Variants in MARCHF9 observed in about 807,000 individuals in gnomAD.
The protein encoded by MARCHF9 is membrane associated ring-CH-type finger 9.
A neutral mutation model predicts 35.2 loss-of-function variants in MARCHF9; 17 were observed. That is an observed-to-expected ratio of 0.48 (90% CI 0.33 to 0.72). MARCHF9 has a LOEUF of 0.72. MARCHF9 is among the 30% of genes least tolerant of loss of function. MARCHF9 has a pLI of 0.02. For missense variants in MARCHF9, 386 were observed against 478.2 expected (o/e 0.81, Z 1.80); for synonymous variants, 183 against 207.4 (o/e 0.88, Z 1.01).
Position 57,758,341 on chromosome 12 carries a change from C to T in MARCHF9, c.706+41C>T. On this transcript the variant is annotated intron_variant, in intron 3 of 3. Coordinates refer to ENST00000266643, the MANE Select transcript of MARCHF9 (RefSeq NM_138396.6). The surrounding 1 kb of genome is among the most constrained non-coding windows in gnomAD (Gnocchi z 5.4). The stretch of plus-strand genomic sequence containing the variant: ...TCTCCTTTACCTGCTCTGTATCTTC[C>T]TCTTACACACCTAACTCCCCTGCCC... 1 of 1,571,722 alleles carries T rather than the reference C, an allele frequency of 6.4e-7. No individual in the cohort carries two copies. Among genetic ancestry groups the T allele is most frequent in the East Asian group, 2.3e-5 (1 of 44,218 alleles).
chr12:57,758,010 T>A lies in MARCHF9; in HGVS notation c.514-98T>A. The A allele has an allele frequency of 7.9e-7, 1 of 1,263,504 alleles. No homozygotes were observed. Among genetic ancestry groups the A allele is most frequent in the Middle Eastern group, 1.8e-4 (1 of 5,450 alleles). The allele number at this position is 1,263,504 out of a possible 1,614,324, so 78.3% of individuals were successfully genotyped here. ...CAGATGTTGATCCTGCCTGAAGGTT[T>A]TAGGGAAGGTTCCTGGAGCACCCTG... On this transcript the variant is annotated intron_variant, in intron 2 of 3. Transcript: ENST00000266643. The surrounding 1 kb of genome is among the most constrained non-coding windows in gnomAD (Gnocchi z 5.4).
rs373416948 is a variant in MARCHF9 at position 57,758,777 on chromosome 12, G to A, written c.921G>A (p.Thr307=). Residue 307 remains threonine, a synonymous_variant, in exon 4 of 4, where the codon ACG becomes ACA. Coordinates refer to ENST00000266643, the MANE Select transcript of MARCHF9 (RefSeq NM_138396.6). This position sits in a 1 kb window ranked among gnomAD's most constrained non-coding sequence, Gnocchi z 5.4. ...SRPPAAQRMR[T]LLPQRCGYTI... is the part of the protein sequence containing the mutation. The stretch of plus-strand genomic sequence containing the variant: ...CCCCAGCTGCCCAGCGCATGCGGAC[G>A]CTCTTGCCTCAGCGCTGCGGTTATA... The A allele has an allele frequency of 1.4e-5, 22 of 1,613,118 alleles. No individual in the cohort carries two copies. Among genetic ancestry groups the A allele is most frequent in the African/African-American group, 1.3e-4 (10 of 74,914 alleles).
At position 57,755,619 on chromosome 12, in the gene MARCHF9, CG is replaced by C; in HGVS notation, c.98del (p.Gly33AlafsTer91). 49 of 1,334,162 alleles carry C rather than the reference CG, an allele frequency of 3.7e-5. No homozygotes were observed. Among genetic ancestry groups the C allele is most frequent in the South Asian group, 1.5e-4 (8 of 52,332 alleles). 82.6% of individuals were successfully genotyped at this position (1,334,162 alleles called of 1,614,324 possible). A position where few individuals can be genotyped will look rare whatever the true frequency, so the allele number is the denominator to read the frequency against. ...GCGGCCCCGGGCCGAGCCGCAACCC[CG>C]GGGGGGCCGGGGAGGCGGCTGCGGC... ...GGRPRAEPQP[R>X]GGRGGGCGWA... On this transcript the variant is annotated frameshift_variant, in exon 1 of 4. Transcript: ENST00000266643. LOFTEE classifies it high-confidence loss of function.
intron 1 of MARCHF9, 119 bp from the exon 2 acceptor site, chr12:57,756,810 G>A: frequency 8.9e-7 from 1 of 1,120,718 alleles, no homozygotes; most frequent in Non-Finnish European, 1.2e-6. Context: ...TTGGGTGAAA[G>A]GCCTGAGTTA....
rs1311686998 is a variant in MARCHF9, at chr12:57,759,549, A to G, written c.*652A>G. The G allele has an allele frequency of 1.3e-5, 2 of 152,214 alleles. No individual in the cohort carries two copies. Among genetic ancestry groups the G allele is most frequent in the Admixed American group, 6.5e-5 (1 of 15,274 alleles). 9.4% of individuals were successfully genotyped at this position (152,214 alleles called of 1,614,324 possible). A position where few individuals can be genotyped will look rare whatever the true frequency, so the allele number is the denominator to read the frequency against. On this transcript the variant is annotated 3_prime_UTR_variant, in exon 4 of 4. Coordinates refer to ENST00000266643, the MANE Select transcript of MARCHF9 (RefSeq NM_138396.6). ...TAGGTGTGACTCCCACTTGCTGGTG[A>G]ATAATTCATGTTGGCTGCTAGGTGG...
rs764549994 is a variant in MARCHF9, at chr12:57,755,883, C to G, written c.355C>G (p.Gln119Glu). 35 of 1,514,210 alleles carry G rather than the reference C, an allele frequency of 2.3e-5. No individual in the cohort carries two copies. The highest frequency in any genetic ancestry group is 2.4e-4 in the Middle Eastern group (1 of 4,228). The allele number at this position is 1,514,210 out of a possible 1,614,324, so 93.8% of individuals were successfully genotyped here. Residue 119 changes from glutamine (Q) to glutamate (E), a missense_variant and splice_region_variant, in exon 1 of 4, where the codon CAG (glutamine) becomes GAG (glutamate). Around this residue, in one of 3 missense-constraint regions of MARCHF9, gnomAD observed 219 missense variants for 316.2 expected, o/e 0.69. Transcript: ENST00000266643. ...QCRICFQGPE[Q>E]GELLSPCRCD... ...CCGGATCTGCTTCCAGGGCCCGGAG[C>G]AGGTCAGGCCTGGGCACCTGGCCGG...
In MARCHF9 at chr12:57,758,755, C is replaced by CA. The variant is rs1565809213; in HGVS notation, c.900dup (p.Ala301SerfsTer91). ...ACCTCTGGGGCCACGAGCCGCCCCC[C>CA]AGCTGCCCAGCGCATGCGGACGCTC... On this transcript the variant is annotated frameshift_variant, in exon 4 of 4. Transcript: ENST00000266643. LOFTEE classifies it high-confidence loss of function. The surrounding 1 kb of genome is among the most constrained non-coding windows in gnomAD (Gnocchi z 5.4). 1 of 1,612,234 alleles carries CA rather than the reference C, an allele frequency of 6.2e-7. No homozygotes were observed.
chr12:57,760,314 T>C lies in MARCHF9; in HGVS notation c.*1417T>C, dbSNP rs1955311284. On this transcript the variant is annotated 3_prime_UTR_variant, in exon 4 of 4. Coordinates refer to ENST00000266643, the MANE Select transcript of MARCHF9 (RefSeq NM_138396.6). ...GTCAGCCTGAAGCCTGGGCACTTTC[T>C]TCTGTGACCTTGGGGTTGTGTATTA... The C allele has an allele frequency of 6.6e-6, 1 of 152,260 alleles. No homozygotes were observed. Among genetic ancestry groups the C allele is most frequent in the Non-Finnish European group, 1.5e-5 (1 of 68,042 alleles). The allele number at this position is 152,260 out of a possible 1,614,324, so 9.4% of individuals were successfully genotyped here.
chr12:57,755,521 T>G lies in MARCHF9; in HGVS notation c.-8T>G. 1 of 941,614 alleles carries G rather than the reference T, an allele frequency of 1.1e-6. No homozygotes were observed. Among genetic ancestry groups the G allele is most frequent in the Non-Finnish European group, 1.3e-6 (1 of 761,816 alleles). The allele number at this position is 941,614 out of a possible 1,614,324, so 58.3% of individuals were successfully genotyped here. A position where few individuals can be genotyped will look rare whatever the true frequency, so the allele number is the denominator to read the frequency against. ...TGCACGCTGCCCCCCGCCCCCGGTG[T>G]CCGGACGATGCTCAAGTCTCGGCTC... On this transcript the variant is annotated 5_prime_UTR_variant, in exon 1 of 4. Coordinates refer to ENST00000266643, the MANE Select transcript of MARCHF9 (RefSeq NM_138396.6).
rs572356919 is a variant in MARCHF9, at chr12:57,757,973, G to A, written c.514-135G>A. ...GTGCCACATTCTAGATTTAATCAAG[G>A]CACAGAGAAGACAGATGTTGATCCT... On this transcript the variant is annotated intron_variant, in intron 2 of 3. Coordinates refer to ENST00000266643, the MANE Select transcript of MARCHF9 (RefSeq NM_138396.6). 4 of 868,118 alleles carry A rather than the reference G, an allele frequency of 4.6e-6. No individual in the cohort carries two copies. In the Admixed American group the frequency reaches 7.6e-5, roughly 16 times the overall value. 53.8% of individuals were successfully genotyped at this position (868,118 alleles called of 1,614,324 possible). A position where few individuals can be genotyped will look rare whatever the true frequency, so the allele number is the denominator to read the frequency against.
At chr12:57,755,964 G>T in intron 1 of MARCHF9, 79 bp downstream of exon 1, 1 of 1,134,578 alleles carries the variant, frequency 8.8e-7, no homozygotes, top group Non-Finnish European at 1.2e-6. Context: ...GAGCAGGCGC[G>T]GCGCCTAAGG....
rs1565809443 is a variant in MARCHF9 at position 57,759,603 on chromosome 12, C to T, written c.*706C>T. On this transcript the variant is annotated 3_prime_UTR_variant, in exon 4 of 4. Coordinates refer to ENST00000266643, the MANE Select transcript of MARCHF9 (RefSeq NM_138396.6). ...CACTCCGAGGTATCTAAAGGGTAGACCTGGACCTGCCACCTATGAGTTGTG... is the reference window on the plus strand; with the variant it reads ...CACTCCGAGGTATCTAAAGGGTAGATCTGGACCTGCCACCTATGAGTTGTG... 1 of 152,162 alleles carries T rather than the reference C, an allele frequency of 6.6e-6. No individual in the cohort carries two copies. Among genetic ancestry groups the T allele is most frequent in the Non-Finnish European group, 1.5e-5 (1 of 68,044 alleles). The allele number at this position is 152,162 out of a possible 1,614,324, so 9.4% of individuals were successfully genotyped here.
chr12:57,755,905 C>T lies in MARCHF9; in HGVS notation c.357+20C>T. 1 of 1,452,670 alleles carries T rather than the reference C, an allele frequency of 6.9e-7. No homozygotes were observed. The highest frequency in any genetic ancestry group is 9.0e-7 in the Non-Finnish European group (1 of 1,108,960). The allele number at this position is 1,452,670 out of a possible 1,614,324, so 90.0% of individuals were successfully genotyped here. A position where few individuals can be genotyped will look rare whatever the true frequency, so the allele number is the denominator to read the frequency against. ...GAGCAGGTCAGGCCTGGGCACCTGG[C>T]CGGGCGCGGAGGGTGGAGGCGCGCA... On this transcript the variant is annotated intron_variant, in intron 1 of 3. Coordinates refer to ENST00000266643, the MANE Select transcript of MARCHF9 (RefSeq NM_138396.6).
chr12:57,755,944 C>A, intron 1 of MARCHF9, 59 bp downstream of exon 1: 2 of 1,279,386 alleles, frequency 1.6e-6, no homozygotes, highest in Non-Finnish European at 2.0e-6. Flanking sequence ...GGGGTGTCAG[C>A]GGAGACCGCG....
Position 57,755,469 on chromosome 12 carries a change from CTCCCCCCGCCGCTAGCG to C in MARCHF9, c.-59_-43del. 1 of 660,602 alleles carries C rather than the reference CTCCCCCCGCCGCTAGCG, an allele frequency of 1.5e-6. No individual in the cohort carries two copies. The highest frequency in any genetic ancestry group is 2.1e-6 in the Non-Finnish European group (1 of 475,432). The allele number at this position is 660,602 out of a possible 1,614,324, so 40.9% of individuals were successfully genotyped here. On this transcript the variant is annotated 5_prime_UTR_variant, in exon 1 of 4. Coordinates refer to ENST00000266643, the MANE Select transcript of MARCHF9 (RefSeq NM_138396.6). ...CCCCTTCCCGGCCTTGTCCTCTCCC[CTCCCCCCGCCGCTAGCG>C]AGCCCCCCTTGCACGCTGCCCCCCG...
At chr12:57,756,482 G>T (rs1051546488) in intron 1 of MARCHF9, among the ~76,000 whole-genome samples, 2 of 152,202 alleles carry the variant, frequency 1.3e-5, no homozygotes, top group East Asian at 3.9e-4. Context: ...TTTTTAGTAC[G>T]TGGAAACCGA....
At chr12:57,757,171 A>C (rs1595114521) in intron 2 of MARCHF9, 87 bp downstream of exon 2, 1 of 1,390,322 alleles carries the variant, frequency 7.2e-7, no homozygotes, top group Non-Finnish European at 9.5e-7. Flanking sequence ...TATTTCATTT[A>C]CTCTTTTCCC....
In MARCHF9 at chr12:57,756,928, G is replaced by T; in HGVS notation, c.358-1G>T. On this transcript the variant is annotated splice_acceptor_variant, in intron 1 of 3. Coordinates refer to ENST00000266643, the MANE Select transcript of MARCHF9 (RefSeq NM_138396.6). LOFTEE classifies it high-confidence loss of function. ...AGGGCCCCTCCTCACTCTTCCTCCA[G>T]GGGGAGCTCTTAAGCCCCTGCCGCT... 6.5e-7 allele frequency: 1 copy of T among 1,539,730 alleles called. No homozygotes were observed. Among genetic ancestry groups the T allele is most frequent in the Non-Finnish European group, 8.8e-7 (1 of 1,141,924 alleles).
chr12:57,756,324 TTCTA>T (rs777889883), intron 1 of MARCHF9, among the ~76,000 whole-genome samples: 8 of 152,240 alleles, frequency 5.3e-5, no homozygotes, highest in Non-Finnish European at 2.9e-5. Context: ...TTCTGCAACT[TTCTA>T]TCTCATTCTA....
Sources: allele counts gnomAD v4.1 joint callset (sites outside exome capture counted in the v4.1 genomes callset), GRCh38; gene constraint gnomAD v4.1.1; regional missense constraint gnomAD v4.1.1; non-coding constraint Gnocchi (gnomAD v3.1); transcripts MANE v1.5; gene names NCBI Gene and HGNC (gene_info 2026-07-23, HGNC 2026-07-21).